KANSL1: variants seen among roughly 807,000 people sequenced by gnomAD.
The protein encoded by KANSL1 is MLL1/MLL complex subunit KANSL1.
Under a neutral mutation model 103.6 loss-of-function variants are expected in KANSL1, and 22 were observed. The ratio of observed to expected loss-of-function variants is 0.21; its 90% CI spans 0.15 to 0.30. The LOEUF is 0.30. Among genes scored for constraint, KANSL1 ranks in the 10% least tolerant of loss-of-function variants. KANSL1 has a pLI of 1.00. For synonymous variants in KANSL1, 600 were observed against 527.6 expected, an observed-to-expected ratio of 1.14 and a Z score of -1.88; for missense variants, 1,337 against 1,399.8, an observed-to-expected ratio of 0.96 and a Z score of 0.72.
chr17:46,133,819 T>A (rs1034731592), intron 2 of KANSL1, among the ~76,000 whole-genome samples: 3 of 152,250 alleles, frequency 2.0e-5, no homozygotes, highest in Non-Finnish European at 4.4e-5. Flanking sequence ...AGTTGCAATA[T>A]AAAATAACAG....
intron 2 of KANSL1, among the ~76,000 whole-genome samples, chr17:46,100,291 T>G (rs71375331): frequency 0.98 from 149,873 of 152,170 alleles, 73,846 homozygotes; most frequent in East Asian, 1. Flanking sequence ...AAAAAAATTA[T>G]CCAGACGTAG....
At chr17:46,031,811 T>A (rs1404682390) in intron 14 of KANSL1, 108 bp from the exon 15 acceptor site, 2 of 1,135,442 alleles carry the variant, frequency 1.8e-6, no homozygotes, top group Non-Finnish European at 2.5e-6. Context: ...CCAGTCTATC[T>A]AGTGTTCCTG....
intron 6 of KANSL1, among the ~76,000 whole-genome samples, chr17:46,053,799 A>G (rs2077815509): frequency 6.6e-6 from 1 of 152,236 alleles, no homozygotes. Context: ...ACTTGAATTC[A>G]TACCCATGTT....
chr17:46,211,227 C>CAA lies in KANSL1; in HGVS notation c.-90+12442_-90+12443dup, dbSNP rs574672233. ...CCTAAAGACAATGTGATGTTCTATG[C>CAA]AAAAAAAAAAAAAAAAAAAGGGAGG... is the stretch of plus-strand genomic sequence containing the variant. On this transcript the variant is annotated intron_variant, in intron 1 of 14. Coordinates refer to the KANSL1 transcript ENST00000572904. Among the ~76,000 whole-genome samples the CAA allele has an allele frequency of 4.0e-4, 41 of 102,484 alleles. 1 individual carries two copies. Among genetic ancestry groups the CAA allele is most frequent in the East Asian group, 1.9e-3 (4 of 2,096 alleles). The allele number at this position is 102,484 out of a possible 152,430, so 67.2% of individuals were successfully genotyped here.
At chr17:46,037,617 GT>G (rs1234041619) in intron 10 of KANSL1, 1 of 152,184 alleles carries the variant, frequency 6.6e-6, no homozygotes, top group African/African-American at 2.4e-5. Context: ...TGCCTTGACA[GT>G]TTTCATGCAT....
rs781514778 is a variant in KANSL1, at chr17:46,032,224, G to T, written c.2913C>A (p.Ser971=). 1.5e-5 allele frequency: 24 copies of T among 1,588,492 alleles called. No individual in the cohort carries two copies. The Admixed American group carries it at 3.9e-4, about 26-fold the overall frequency. ...AAGAGTGGCTACTGCTGACATCAGG[G>T]GAGGCAGGCTGGGGGGTGGAGGGGT... ...SANPSTPQPA[S]PDVSSSHSLS... The change falls in exon 14 of 15, where the codon TCC becomes TCA. Residue 971 remains serine (S), a synonymous_variant. Coordinates refer to ENST00000432791, the MANE Select transcript of KANSL1 (RefSeq NM_015443.4).
At chr17:46,040,814 C>T (rs557721422) in intron 7 of KANSL1, 7 of 152,298 alleles carry the variant, frequency 4.6e-5, no homozygotes, top group South Asian at 2.1e-4. Context: ...CATCTATTTA[C>T]GTTTGTCTTG....
chr17:46,044,550 C>A (rs1481169295), intron 7 of KANSL1: 1 of 152,152 alleles, frequency 6.6e-6, no homozygotes, highest in East Asian at 1.9e-4. Flanking sequence ...TTATTAAGCC[C>A]CTTTTATAAA....
intron 1 of KANSL1, among the ~76,000 whole-genome samples, chr17:46,184,657 A>G (rs547769316): frequency 5.9e-5 from 9 of 151,594 alleles, no homozygotes; most frequent in African/African-American, 1.9e-4. Context: ...TACTCATGCT[A>G]CTCTTTCACG....
In KANSL1 at chr17:46,068,983, T is replaced by C. The variant is rs574584014; in HGVS notation, c.1534-1316A>G. On this transcript the variant is annotated intron_variant, in intron 4 of 14. Transcript: ENST00000432791. Reference sequence around the variant, plus strand: ...CTATCCCGCCCAAGCTGGAGTGCAGTGGCATGATAGCAGCTCACCGTAGCC... The same window carrying C: ...CTATCCCGCCCAAGCTGGAGTGCAGCGGCATGATAGCAGCTCACCGTAGCC... 2.0e-5 allele frequency among the ~76,000 whole-genome samples: 3 copies of C among 152,274 alleles called. No homozygotes were observed. The South Asian group carries it at 6.2e-4, about 32-fold the overall frequency.
chr17:46,161,600 T>C (rs17585426), intron 2 of KANSL1, among the ~76,000 whole-genome samples: 21,959 of 152,140 alleles, frequency 0.14, 2,139 homozygotes, highest in Non-Finnish European at 0.22. Context: ...AAACCGGAAA[T>C]AGCAATTAAA....
intron 1 of KANSL1, among the ~76,000 whole-genome samples, chr17:46,208,493 G>A (rs186623524): frequency 1.5e-3 from 232 of 151,956 alleles, no homozygotes; most frequent in African/African-American, 5.5e-3. Flanking sequence ...CACACCTGTA[G>A]TCCCAGCTAC....
chr17:46,117,552 T>C (rs2043098759), intron 2 of KANSL1, among the ~76,000 whole-genome samples: 1 of 152,346 alleles, frequency 6.6e-6, no homozygotes, highest in South Asian at 2.1e-4. Flanking sequence ...ATCCTATTCA[T>C]GAATAGTTCA....
At chr17:46,115,666 A>G (rs532129196) in intron 2 of KANSL1, among the ~76,000 whole-genome samples, 22 of 152,368 alleles carry the variant, frequency 1.4e-4, no homozygotes, top group African/African-American at 5.3e-4. Flanking sequence ...CAGTTTATTT[A>G]TAGGATACTT....
intron 2 of KANSL1, among the ~76,000 whole-genome samples, chr17:46,128,741 G>C (rs1291187718): frequency 6.6e-6 from 1 of 152,208 alleles, no homozygotes; most frequent in African/African-American, 2.4e-5. Flanking sequence ...AGCCAAAAGA[G>C]AGGTGATAAA....
chr17:46,111,042 C>T (rs1274604370), intron 2 of KANSL1, among the ~76,000 whole-genome samples: 1 of 152,162 alleles, frequency 6.6e-6, no homozygotes, highest in African/African-American at 2.4e-5. Flanking sequence ...GTGATAACTA[C>T]CTATCATAAT....
chr17:46,086,654 A>C (rs958374309), intron 3 of KANSL1, among the ~76,000 whole-genome samples: 3 of 152,188 alleles, frequency 2.0e-5, no homozygotes, highest in Non-Finnish European at 4.4e-5. Context: ...TGAGGGGATT[A>C]AGAAGTGGAA....
At chr17:46,191,228 T>C (rs1358294272) in intron 1 of KANSL1, among the ~76,000 whole-genome samples, 1 of 152,174 alleles carries the variant, frequency 6.6e-6, no homozygotes, top group Non-Finnish European at 1.5e-5. Context: ...AGTAAAAATT[T>C]TCTAGATCAA....
chr17:46,178,909 A>G (rs1003169367), intron 1 of KANSL1, among the ~76,000 whole-genome samples: 1 of 152,210 alleles, frequency 6.6e-6, no homozygotes, highest in Non-Finnish European at 1.5e-5. Context: ...TGTTAATTCT[A>G]TTATTCTAAA....
Sources: gnomAD v4.1 joint callset for allele counts (sites outside exome capture counted in the v4.1 genomes callset) on GRCh38, gnomAD v4.1.1 for gene constraint, MANE v1.5 for transcripts, NCBI Gene and HGNC (gene_info 2026-07-23, HGNC 2026-07-21) for gene names.